ZMAT4: variants seen among roughly 807,000 people sequenced by gnomAD.
ZMAT4 encodes zinc finger matrin-type 4.
A neutral mutation model predicts 28.7 loss-of-function variants in ZMAT4; 17 were observed. That is an observed-to-expected ratio of 0.59 (90% CI 0.41 to 0.89). The LOEUF (loss-of-function observed/expected upper bound fraction) is 0.89, where lower values mean the gene tolerates loss of function less well. Among genes scored for constraint, ZMAT4 ranks in the 40% least tolerant of loss-of-function variants. The pLI is 0.00. For missense variants in ZMAT4, 240 were observed against 283.8 expected, an observed-to-expected ratio of 0.85 and a Z score of 1.11; for synonymous variants, 117 against 109.2, an observed-to-expected ratio of 1.07 and a Z score of -0.44.
chr8:40,728,087 G>C (rs1383558582), intron 3 of ZMAT4, among the ~76,000 whole-genome samples: 1 of 152,144 alleles, frequency 6.6e-6, no homozygotes, highest in Non-Finnish European at 1.5e-5. Context: ...AGAGTTAAGA[G>C]CTGCCTAAGA....
At chr8:40,738,214 G>A (rs1168118286) in intron 3 of ZMAT4, among the ~76,000 whole-genome samples, 2 of 152,100 alleles carry the variant, frequency 1.3e-5, no homozygotes, top group African/African-American at 4.8e-5. Context: ...GTCGAACTGG[G>A]GAGTTGGATT....
At chr8:40,877,689 T>C (rs537173569) in intron 1 of ZMAT4, among the ~76,000 whole-genome samples, 2 of 152,236 alleles carry the variant, frequency 1.3e-5, no homozygotes, top group Non-Finnish European at 2.9e-5. Flanking sequence ...CATATGCGTG[T>C]GTGTGTGTGT....
At chr8:40,646,499 CTTTATAGTCGATT>C (rs1369710986) in intron 5 of ZMAT4, among the ~76,000 whole-genome samples, 1 of 151,918 alleles carries the variant, frequency 6.6e-6, no homozygotes, top group African/African-American at 2.4e-5. Context: ...ATTTAATCAA[CTTTATAGTCGATT>C]ATATAGTTGA....
At chr8:40,681,196 A>C (rs956676206) in intron 4 of ZMAT4, among the ~76,000 whole-genome samples, 14 of 152,180 alleles carry the variant, frequency 9.2e-5, no homozygotes, top group African/African-American at 3.1e-4. Context: ...CCCATATTTC[A>C]ATGTCAACTC....
intron 1 of ZMAT4, among the ~76,000 whole-genome samples, chr8:40,863,553 C>T (rs541573425): frequency 1.4e-3 from 212 of 152,282 alleles, no homozygotes; most frequent in African/African-American, 5.0e-3. Flanking sequence ...GTGAGAAGAG[C>T]TGTAGATGAT....
rs10091789 is a variant in ZMAT4 at position 40,733,890 on chromosome 8, G to A, written c.192+33751C>T. Among the ~76,000 whole-genome samples the A allele has an allele frequency of 4.7e-3, 713 of 152,204 alleles. 3 individuals are homozygous for A. The highest frequency in any genetic ancestry group is 0.016 in the African/African-American group (679 of 41,538). ...TCTGAGTAAGACACATCCTTGCCCT[G>A]AAGGTGCTGACACCTTGGAGGTAGA... is the stretch of plus-strand genomic sequence containing the variant. On this transcript the variant is annotated intron_variant, in intron 3 of 6. Coordinates refer to ENST00000297737, the MANE Select transcript of ZMAT4 (RefSeq NM_024645.3).
At chr8:40,598,199 T>A (rs1156893581) in intron 5 of ZMAT4, among the ~76,000 whole-genome samples, 2 of 152,334 alleles carry the variant, frequency 1.3e-5, no homozygotes, top group East Asian at 1.9e-4. Context: ...ATATTTTGTT[T>A]GTTTGTTTGC....
intron 4 of ZMAT4, 92 bp from the exon 5 acceptor site, chr8:40,675,023 T>C: frequency 1.0e-6 from 1 of 978,568 alleles, no homozygotes. Context: ...AGTCTCCTGT[T>C]CACTCTAGAG....
chr8:40,825,905 G>T (rs1442364098), intron 1 of ZMAT4, among the ~76,000 whole-genome samples: 1 of 152,162 alleles, frequency 6.6e-6, no homozygotes, highest in African/African-American at 2.4e-5. Flanking sequence ...CTAAAAAATA[G>T]AAATCCAGCT....
intron 1 of ZMAT4, among the ~76,000 whole-genome samples, chr8:40,841,536 C>G (rs992621080): frequency 5.3e-5 from 8 of 152,114 alleles, no homozygotes; most frequent in African/African-American, 1.9e-4. Context: ...GGTCAGTGCC[C>G]CCTCCCCAGG....
At chr8:40,878,757 G>A (rs985300931) in intron 1 of ZMAT4, among the ~76,000 whole-genome samples, 1 of 152,240 alleles carries the variant, frequency 6.6e-6, no homozygotes, top group African/African-American at 2.4e-5. Context: ...AGAAACCAGA[G>A]ATGCAGCTCT....
intron 5 of ZMAT4, among the ~76,000 whole-genome samples, chr8:40,625,158 G>A (rs1170171518): frequency 6.6e-6 from 1 of 152,096 alleles, no homozygotes; most frequent in South Asian, 2.1e-4. Flanking sequence ...GGCTCTGAAA[G>A]AGAACAGCTT....
intron 3 of ZMAT4, among the ~76,000 whole-genome samples, chr8:40,731,732 A>G (rs1484709153): frequency 6.6e-6 from 1 of 152,264 alleles, no homozygotes; most frequent in Non-Finnish European, 1.5e-5. Context: ...AAAATGATTT[A>G]TGAATAAAGT....
At chr8:40,777,768 G>T (rs1813663089) in intron 2 of ZMAT4, among the ~76,000 whole-genome samples, 1 of 152,210 alleles carries the variant, frequency 6.6e-6, no homozygotes, top group South Asian at 2.1e-4. Context: ...GGCAGGCAGG[G>T]CAGTCTCTCA....
chr8:40,602,861 G>A (rs1037637721), intron 5 of ZMAT4, among the ~76,000 whole-genome samples: 1 of 152,148 alleles, frequency 6.6e-6, no homozygotes, highest in Non-Finnish European at 1.5e-5. Flanking sequence ...TCTGTGGGTT[G>A]TCTGTTTACT....
intron 1 of ZMAT4, among the ~76,000 whole-genome samples, chr8:40,844,498 C>G (rs1478931168): frequency 2.0e-5 from 3 of 152,208 alleles, no homozygotes; most frequent in Non-Finnish European, 2.9e-5. Flanking sequence ...AATTACATGA[C>G]TAGCTTTCCT....
intron 1 of ZMAT4, among the ~76,000 whole-genome samples, chr8:40,835,009 C>G (rs1205079594): frequency 1.3e-5 from 2 of 152,158 alleles, no homozygotes; most frequent in African/African-American, 4.8e-5. Flanking sequence ...CATGATGGAG[C>G]GCAGATGTCA....
At chr8:40,734,569 C>A (rs1428742410) in intron 3 of ZMAT4, among the ~76,000 whole-genome samples, 1 of 152,084 alleles carries the variant, frequency 6.6e-6, no homozygotes, top group Non-Finnish European at 1.5e-5. Flanking sequence ...AGTAGCCTGT[C>A]GGCATGCTCT....
At chr8:40,743,068 A>C (rs1351922082) in intron 3 of ZMAT4, among the ~76,000 whole-genome samples, 1 of 152,124 alleles carries the variant, frequency 6.6e-6, no homozygotes. Flanking sequence ...AAATACAAAA[A>C]TTATCCAGGC....
Sources: allele counts gnomAD v4.1 joint callset (sites outside exome capture counted in the v4.1 genomes callset), GRCh38; gene constraint gnomAD v4.1.1; transcripts MANE v1.5; gene names NCBI Gene and HGNC (gene_info 2026-07-23, HGNC 2026-07-21).